The following PSD4 variants were observed in gnomAD, a reference collection of about 807,000 sequenced individuals.
PSD4 encodes pleckstrin and Sec7 domain containing 4.
In PSD4, 59 loss-of-function variants were observed where a neutral mutation model predicts 112.5. The observed-to-expected ratio is 0.52, with a 90% CI of 0.43 to 0.65. The LOEUF (loss-of-function observed/expected upper bound fraction) is 0.65, where lower values mean the gene tolerates loss of function less well. Among genes scored for constraint, PSD4 ranks in the 30% least tolerant of loss-of-function variants. The pLI is 0.00. For missense variants in PSD4, 1,267 were observed against 1,352.6 expected, an observed-to-expected ratio of 0.94 and a Z score of 0.99; for synonymous variants, 533 against 540.0, an observed-to-expected ratio of 0.99 and a Z score of 0.18.
chr2:113,184,770 A>G (rs911923236), intron 2 of PSD4, among the ~76,000 whole-genome samples, 187 bp from the exon 3 acceptor site: 2 of 152,188 alleles, frequency 1.3e-5, no homozygotes, highest in Non-Finnish European at 2.9e-5. Flanking sequence ...CACCCAGCCC[A>G]GTGCCTGGGG....
chr2:113,193,673 TGTGGGA>T, intron 9 of PSD4, 23 bp downstream of exon 9: 1 of 1,607,198 alleles, frequency 6.2e-7, no homozygotes, highest in South Asian at 1.1e-5. Context: ...AGAGAGTCCC[TGTGGGA>T]ACTGAGGCTG....
chr2:113,188,617 G>C (rs1688364382), intron 5 of PSD4, among the ~76,000 whole-genome samples: 1 of 151,872 alleles, frequency 6.6e-6, no homozygotes, highest in Admixed American at 6.6e-5. Flanking sequence ...GTCTCACTCT[G>C]TGGCCCAGGC....
intron 5 of PSD4, among the ~76,000 whole-genome samples, chr2:113,191,052 T>C (rs1204670799): frequency 6.6e-6 from 1 of 152,204 alleles, no homozygotes; most frequent in East Asian, 1.9e-4. Flanking sequence ...CTGGAACTTC[T>C]CTGGCTACCA....
intron 1 of PSD4, among the ~76,000 whole-genome samples, chr2:113,174,266 C>T (rs965501141): frequency 6.6e-6 from 1 of 152,172 alleles, no homozygotes; most frequent in African/African-American, 2.4e-5. Flanking sequence ...TCCCCCTCCT[C>T]CCTCAGCCTA....
At chr2:113,195,165 CTTT>C (rs10603865) in intron 10 of PSD4, among the ~76,000 whole-genome samples, 10 of 145,856 alleles carry the variant, frequency 6.9e-5, no homozygotes, top group Admixed American at 6.9e-5. Context: ...TGGTCATCAT[CTTT>C]TTTTTTTTTT....
rs1458828042 is a variant in PSD4 at position 113,203,923 on chromosome 2, C to G, written c.*2508C>G. 1.3e-5 allele frequency: 2 copies of G among 152,224 alleles called. No individual in the cohort carries two copies. The highest frequency in any genetic ancestry group is 2.9e-5 in the Non-Finnish European group (2 of 68,058). The allele number at this position is 152,224 out of a possible 1,614,324, so 9.4% of individuals were successfully genotyped here. ...AGTCTGAATGCATGTGTGTGTGACA[C>G]TTTGATGCTCCTTTGCTCATGTAGA... On this transcript the variant is annotated 3_prime_UTR_variant, in exon 17 of 17. Coordinates refer to ENST00000245796, the MANE Select transcript of PSD4 (RefSeq NM_012455.3).
Position 113,182,469 on chromosome 2 carries a change from T to A in PSD4, c.13T>A (p.Tyr5Asn), listed in dbSNP as rs759039515. The A allele has an allele frequency of 6.2e-7, 1 of 1,610,276 alleles. No individual in the cohort carries two copies. The highest frequency in any genetic ancestry group is 1.1e-5 in the South Asian group (1 of 90,700). The change falls in exon 2 of 17, where the codon TAC becomes AAC. Residue 5 changes from tyrosine (Y) to asparagine (N), a missense_variant. Tyr to Asn is a moderately radical substitution (Grantham distance 143). Coordinates refer to ENST00000245796, the MANE Select transcript of PSD4 (RefSeq NM_012455.3). MMGDYRLPDHPQPME... is the reference protein window; with the variant it reads MMGDNRLPDHPQPME... ...TTTTGCTCAGTGGATGATGGGTGACTACAGACTCCCTGACCACCCCCAGCC... is the reference window on the plus strand; with the variant it reads ...TTTTGCTCAGTGGATGATGGGTGACAACAGACTCCCTGACCACCCCCAGCC...
chr2:113,182,390 T>G lies in PSD4; in HGVS notation c.-67T>G. The G allele has an allele frequency of 2.8e-6, 4 of 1,414,284 alleles. No homozygotes were observed. Among genetic ancestry groups the G allele is most frequent in the Non-Finnish European group, 2.9e-6 (3 of 1,034,342 alleles). The allele number at this position is 1,414,284 out of a possible 1,614,324, so 87.6% of individuals were successfully genotyped here. On this transcript the variant is annotated 5_prime_UTR_variant, in exon 2 of 17. Coordinates refer to ENST00000245796, the MANE Select transcript of PSD4 (RefSeq NM_012455.3). ...TTTCTCCAGCGGCCAGTGCTCCCCC[T>G]AGTCCACACAGTGAGACCGTGAAAG...
rs777582117 is a variant in PSD4, at chr2:113,185,383, G to A, written c.1192G>A (p.Gly398Ser). Residue 398 changes from glycine to serine, a missense_variant, in exon 4 of 17, where the codon GGC (glycine) becomes AGC (serine). Gly to Ser is a moderately conservative substitution (Grantham distance 56). Around this residue, in one of 2 missense-constraint regions of PSD4, gnomAD observed 723 missense variants for 704.0 expected, o/e 1.03. Transcript: ENST00000245796. ...VQPWASLSPE[G>S]WQRGGPFWPQ... ...TCAACAGGCCTCTCTCAGCCCTGAG[G>A]GCTGGCAGAGAGGAGGTCCTTTTTG... 4.3e-5 allele frequency: 69 copies of A among 1,614,060 alleles called. No homozygotes were observed. The South Asian group carries it at 5.9e-4, about 14-fold the overall frequency.
At chr2:113,179,194 C>T (rs1371090663) in intron 1 of PSD4, among the ~76,000 whole-genome samples, 1 of 152,176 alleles carries the variant, frequency 6.6e-6, no homozygotes, top group African/African-American at 2.4e-5. Context: ...TGAGGCTCCT[C>T]ATCCCTTCTG....
chr2:113,208,269 G>A lies in PSD4; in HGVS notation c.*6854G>A, dbSNP rs1197037571. On this transcript the variant is annotated 3_prime_UTR_variant, in exon 17 of 17. Transcript: ENST00000245796. ...TGCTGGGCTTTCAAGATAGTTTCTG[G>A]AAGAAGTCTCTAAATCTAAGCCTTC... is the stretch of plus-strand genomic sequence containing the variant. 1 of 152,204 alleles carries A rather than the reference G, an allele frequency of 6.6e-6. No homozygotes were observed. The highest frequency in any genetic ancestry group is 1.9e-4 in the East Asian group (1 of 5,204). The allele number at this position is 152,204 out of a possible 1,614,324, so 9.4% of individuals were successfully genotyped here. A position where few individuals can be genotyped will look rare whatever the true frequency, so the allele number is the denominator to read the frequency against.
Position 113,199,455 on chromosome 2 carries a change from G to C in PSD4, c.2913+229G>C, listed in dbSNP as rs45522233. 3.7e-3 allele frequency among the ~76,000 whole-genome samples: 563 copies of C among 152,376 alleles called. 4 individuals are homozygous for C. Among genetic ancestry groups the C allele is most frequent in the Middle Eastern group, 0.021 (6 of 292 alleles). Reference sequence around the variant, plus strand: ...TGTGTGTCCCCACGCACTTAGGCCTGTCGCCTCTCGTCCTGGGGGCACATA... The same window carrying C: ...TGTGTGTCCCCACGCACTTAGGCCTCTCGCCTCTCGTCCTGGGGGCACATA... On this transcript the variant is annotated intron_variant, in intron 16 of 16. Coordinates refer to ENST00000245796, the MANE Select transcript of PSD4 (RefSeq NM_012455.3).
Position 113,181,066 on chromosome 2 carries a change from A to G in PSD4, c.-111-1280A>G, listed in dbSNP as rs557643173. 1.7e-3 allele frequency among the ~76,000 whole-genome samples: 131 copies of G among 78,158 alleles called. 2 individuals carry two copies. In the East Asian group the frequency reaches 0.019, roughly 11 times the overall value. 51.3% of individuals were successfully genotyped at this position (78,158 alleles called of 152,430 possible). A position where few individuals can be genotyped will look rare whatever the true frequency, so the allele number is the denominator to read the frequency against. On this transcript the variant is annotated intron_variant, in intron 1 of 16. Coordinates refer to ENST00000245796, the MANE Select transcript of PSD4 (RefSeq NM_012455.3). Reference sequence around the variant, plus strand: ...AACCCCATCTCTACTAGAAATACAAAAAAAAAAAAAAATTAGCAGAGCATG... The same window carrying G: ...AACCCCATCTCTACTAGAAATACAAGAAAAAAAAAAAATTAGCAGAGCATG...
intron 1 of PSD4, among the ~76,000 whole-genome samples, chr2:113,175,975 A>C (rs1266332558): frequency 6.6e-6 from 1 of 152,220 alleles, no homozygotes; most frequent in African/African-American, 2.4e-5. Context: ...AAAAGGAACC[A>C]GGTGGAGTTT....
chr2:113,185,058 T>C lies in PSD4; in HGVS notation c.1158T>C (p.His386=). The change falls in exon 3 of 17, where the codon CAT becomes CAC. Residue 386 remains histidine, a synonymous_variant. Coordinates refer to ENST00000245796, the MANE Select transcript of PSD4 (RefSeq NM_012455.3). ...GATCTGATCTTGGCCCTGCTGCACA[T>C]CCTGTGCAACCTTGGGCAAGTCACT... The part of the protein sequence containing the change: ...CVGSDLGPAA[H]PVQPWASLSP... 6.2e-7 allele frequency: 1 copy of C among 1,614,216 alleles called. No individual in the cohort carries two copies. The highest frequency in any genetic ancestry group is 8.5e-7 in the Non-Finnish European group (1 of 1,180,022).
chr2:113,204,525 GGACA>G lies in PSD4; in HGVS notation c.*3117_*3120del, dbSNP rs1306971470. 2.0e-5 allele frequency: 3 copies of G among 152,376 alleles called. No individual in the cohort carries two copies. Among genetic ancestry groups the G allele is most frequent in the Non-Finnish European group, 2.9e-5 (2 of 68,156 alleles). 9.4% of individuals were successfully genotyped at this position (152,376 alleles called of 1,614,324 possible). ...TGTGTCCTTCTCTTTGCAGGAGAAG[GGACA>G]GACAGAGGTTCTCAGTGATGAGCTC... On this transcript the variant is annotated 3_prime_UTR_variant, in exon 17 of 17. Coordinates refer to ENST00000245796, the MANE Select transcript of PSD4 (RefSeq NM_012455.3).
chr2:113,195,045 T>C (rs748319150), intron 10 of PSD4, among the ~76,000 whole-genome samples: 10 of 152,354 alleles, frequency 6.6e-5, no homozygotes, highest in Non-Finnish European at 1.0e-4. Context: ...AGCCAGTTTC[T>C]TCTCCATCAG....
Position 113,193,961 on chromosome 2 carries a change from G to A in PSD4, c.2181+13G>A, listed in dbSNP as rs200934949. ...GGAGCTGCTGAAGGTATGTGCCACG[G>A]GGTCTTCTTATGAGCCTCATGTAGG... is the stretch of plus-strand genomic sequence containing the variant. On this transcript the variant is annotated intron_variant, in intron 10 of 16. Coordinates refer to ENST00000245796, the MANE Select transcript of PSD4 (RefSeq NM_012455.3). 1.2e-6 allele frequency: 2 copies of A among 1,612,686 alleles called. No individual in the cohort carries two copies. The highest frequency in any genetic ancestry group is 2.7e-5 in the African/African-American group (2 of 74,886).
chr2:113,174,775 T>G (rs17043037), intron 1 of PSD4, among the ~76,000 whole-genome samples: 1,799 of 152,158 alleles, frequency 0.012, 30 homozygotes, highest in African/African-American at 0.041. Context: ...CTGTAGTCAT[T>G]ATTGTTATAG....
Sources: gnomAD v4.1 joint callset for allele counts (sites outside exome capture counted in the v4.1 genomes callset) on GRCh38, gnomAD v4.1.1 for gene constraint, gnomAD v4.1.1 regional missense constraint, MANE v1.5 for transcripts, NCBI Gene and HGNC (gene_info 2026-07-23, HGNC 2026-07-21) for gene names.